PAX3: variants seen among roughly 807,000 people sequenced by gnomAD.
PAX3 encodes the protein paired box 3, also known as paired box protein Pax-3.
Under a neutral mutation model 51.6 loss-of-function variants are expected in PAX3, and 14 were observed. The ratio of observed to expected loss-of-function variants is 0.27; its 90% CI spans 0.18 to 0.42. The LOEUF (loss-of-function observed/expected upper bound fraction) is 0.42, where lower values mean the gene tolerates loss of function less well. Among genes scored for constraint, PAX3 ranks in the 10% least tolerant of loss-of-function variants. The pLI is 1.00. For synonymous variants in PAX3, 280 were observed against 253.4 expected, an observed-to-expected ratio of 1.11 and a Z score of -1.00; for missense variants, 540 against 642.8, an observed-to-expected ratio of 0.84 and a Z score of 1.73.
Position 222,221,268 on chromosome 2 carries a change from C to T in PAX3, c.912G>A (p.Thr304=), listed in dbSNP as rs748702645. The change falls in exon 6 of 9, where the codon ACG becomes ACA. Residue 304 remains threonine, a synonymous_variant. Coordinates refer to ENST00000392070, the MANE Select transcript of PAX3 (RefSeq NM_181458.4). ...FPPTAMPTLP[T]YQLSETSYQP... ...GGTAAGAGGTCTCCGACAGCTGGTA[C>T]GTTGGCAAGGTCGGCATGGCAGTGG... 7 of 1,613,884 alleles carry T rather than the reference C, an allele frequency of 4.3e-6. No homozygotes were observed. Among genetic ancestry groups the T allele is most frequent in the East Asian group, 4.5e-5 (2 of 44,886 alleles).
At chr2:222,260,029 T>G (rs932751320) in intron 4 of PAX3, among the ~76,000 whole-genome samples, 1 of 151,940 alleles carries the variant, frequency 6.6e-6, no homozygotes, top group African/African-American at 2.4e-5. Context: ...CCACCGGGCC[T>G]GGATAATTTT....
intron 4 of PAX3, among the ~76,000 whole-genome samples, chr2:222,251,577 C>T (rs1693434655): frequency 6.6e-6 from 1 of 152,278 alleles, no homozygotes; most frequent in African/African-American, 2.4e-5. Flanking sequence ...CATACATGTG[C>T]ATGTGTCTTT....
In PAX3 at chr2:222,241,274, T is replaced by C. The variant is rs80048773; in HGVS notation, c.587-8991A>G. Among the ~76,000 whole-genome samples, 200 of 152,308 alleles carry C rather than the reference T, an allele frequency of 1.3e-3. 1 individual carries two copies. Among genetic ancestry groups the C allele is most frequent in the African/African-American group, 4.6e-3 (190 of 41,574 alleles). Reference sequence around the variant, plus strand: ...CCAAGAGAGAGGCCATTATTGACCATATGTGCCACAATTGCCCTCTTATCG... The same window carrying C: ...CCAAGAGAGAGGCCATTATTGACCACATGTGCCACAATTGCCCTCTTATCG... On this transcript the variant is annotated intron_variant, in intron 4 of 8. Transcript: ENST00000392070.
At chr2:222,236,918 A>T (rs1692818822) in intron 4 of PAX3, among the ~76,000 whole-genome samples, 1 of 152,250 alleles carries the variant, frequency 6.6e-6, no homozygotes, top group East Asian at 1.9e-4. Flanking sequence ...CATGCACAGC[A>T]TTCTAAATGG....
intron 3 of PAX3, among the ~76,000 whole-genome samples, chr2:222,295,142 T>C (rs1695226071): frequency 1.3e-5 from 2 of 152,130 alleles, no homozygotes; most frequent in East Asian, 3.9e-4. Context: ...TCCACGGCTT[T>C]GCGCACACGG....
At chr2:222,204,750 A>T (rs1691439568) in intron 7 of PAX3, among the ~76,000 whole-genome samples, 1 of 152,354 alleles carries the variant, frequency 6.6e-6, no homozygotes, top group East Asian at 1.9e-4. Context: ...GAGGAAAGAT[A>T]TCCAGTGGCA....
chr2:222,298,435 T>G, intron 1 of PAX3, 96 bp downstream of exon 1: 1 of 1,031,910 alleles, frequency 9.7e-7, no homozygotes, highest in Non-Finnish European at 1.5e-6. Context: ...ATGGGCTTCC[T>G]GGAAGCACCA....
At chr2:222,252,628 G>A (rs1003009377) in intron 4 of PAX3, among the ~76,000 whole-genome samples, 1 of 152,080 alleles carries the variant, frequency 6.6e-6, no homozygotes, top group Non-Finnish European at 1.5e-5. Flanking sequence ...CAATCCCTCT[G>A]CCATGTGGAT....
At chr2:222,269,350 A>G (rs1302726391) in intron 4 of PAX3, among the ~76,000 whole-genome samples, 5 of 152,178 alleles carry the variant, frequency 3.3e-5, no homozygotes, top group African/African-American at 1.2e-4. Context: ...GATGGCCCGC[A>G]TTCTTTAATT....
intron 4 of PAX3, among the ~76,000 whole-genome samples, chr2:222,271,022 C>T (rs1018147269): frequency 5.3e-5 from 8 of 152,210 alleles, no homozygotes; most frequent in African/African-American, 1.9e-4. Context: ...TCAACAGATT[C>T]TAAGTAAATA....
chr2:222,226,408 G>A (rs1288387922), intron 5 of PAX3, among the ~76,000 whole-genome samples: 1 of 152,128 alleles, frequency 6.6e-6, no homozygotes, highest in Non-Finnish European at 1.5e-5. Context: ...AACAGGATGG[G>A]CAAGATTGAA....
At chr2:222,225,223 C>T (rs977240286) in intron 5 of PAX3, among the ~76,000 whole-genome samples, 12 of 152,212 alleles carry the variant, frequency 7.9e-5, no homozygotes, top group Non-Finnish European at 1.5e-4. Flanking sequence ...AACTGCAGCC[C>T]GGTTCATTTT....
intron 7 of PAX3, among the ~76,000 whole-genome samples, chr2:222,208,209 A>G (rs1200023533): frequency 6.6e-6 from 1 of 152,146 alleles, no homozygotes; most frequent in Non-Finnish European, 1.5e-5. Flanking sequence ...TCATTTACGC[A>G]TGCCTGCATT....
At chr2:222,201,703 C>G (rs1691298821) in intron 8 of PAX3, 2 of 1,454,532 alleles carry the variant, frequency 1.4e-6, no homozygotes, top group South Asian at 1.5e-5. Flanking sequence ...TGTGTTTTAC[C>G]TAGTGGCAAT....
At chr2:222,297,338 C>T in intron 1 of PAX3, 125 bp from the exon 2 acceptor site, 1 of 755,890 alleles carries the variant, frequency 1.3e-6, no homozygotes, top group Non-Finnish European at 2.3e-6. Flanking sequence ...GACGCTGAAA[C>T]TGCTCGACAT....
intron 4 of PAX3, among the ~76,000 whole-genome samples, chr2:222,248,403 G>A (rs571610364): frequency 2.2e-4 from 33 of 152,290 alleles, no homozygotes; most frequent in Non-Finnish European, 3.7e-4. Flanking sequence ...CCACATGCAG[G>A]TCTCAAAGCC....
intron 7 of PAX3, among the ~76,000 whole-genome samples, chr2:222,215,701 C>T (rs1036801712): frequency 2.0e-5 from 3 of 152,072 alleles, no homozygotes; most frequent in South Asian, 2.1e-4. Context: ...TCCAAGGCAG[C>T]ATTCCTTTTT....
In PAX3 at chr2:222,295,677, C is replaced by A. The variant is rs753357130; in HGVS notation, c.322-20G>T. 61 of 1,613,736 alleles carry A rather than the reference C, an allele frequency of 3.8e-5. No individual in the cohort carries two copies. Among genetic ancestry groups the A allele is most frequent in the Non-Finnish European group, 4.9e-5 (58 of 1,179,990 alleles). On this transcript the variant is annotated intron_variant, in intron 2 of 8. Coordinates refer to ENST00000392070, the MANE Select transcript of PAX3 (RefSeq NM_181458.4). ...CACCTGCTTTAAGAGAACAGGCGGG[C>A]AGGCGTTGGTACCCGGTACCCTGGG...
In PAX3 at chr2:222,232,226, A is replaced by G. The variant is rs1692624356; in HGVS notation, c.644T>C (p.Leu215Pro). 6.2e-7 allele frequency: 1 copy of G among 1,613,934 alleles called. No homozygotes were observed. The highest frequency in any genetic ancestry group is 8.5e-7 in the Non-Finnish European group (1 of 1,179,944). The stretch of plus-strand genomic sequence containing the variant: ...TCGGCTTCTGCGCTGTTTCCTCTTT[A>G]GTGGTAAATCTGGTTCAGAGTCAAT... ...SDIDSEPDLP[L>P]KRKQRRSRTT... Residue 215 changes from leucine to proline, a missense_variant, in exon 5 of 9, where the codon CTA (leucine) becomes CCA (proline). Transcript: ENST00000392070.
Sources: allele counts gnomAD v4.1 joint callset (sites outside exome capture counted in the v4.1 genomes callset), GRCh38; gene constraint gnomAD v4.1.1; transcripts MANE v1.5; gene names NCBI Gene and HGNC (gene_info 2026-07-23, HGNC 2026-07-21).